The following COX10 variants were observed in gnomAD, a reference collection of about 807,000 sequenced individuals.
The protein encoded by COX10 is protoheme IX farnesyltransferase, mitochondrial.
Under a neutral mutation model 37.3 loss-of-function variants are expected in COX10, and 27 were observed. That is an observed-to-expected ratio of 0.72 (90% CI 0.53 to 1.00). COX10 has a LOEUF of 1.00. Ranked by LOEUF, COX10 falls within the 50% of genes least tolerant of loss-of-function variation. The pLI is 0.00. For synonymous variants in COX10, 222 were observed against 229.1 expected (o/e 0.97, Z 0.28); for missense variants, 475 against 563.2 (o/e 0.84, Z 1.59).
At chr17:14,109,319 A>G (rs1915964319) in intron 4 of COX10, among the ~76,000 whole-genome samples, 2 of 152,212 alleles carry the variant, frequency 1.3e-5, no homozygotes. Flanking sequence ...CTGAATTTAA[A>G]TAACCTCAAA....
intron 5 of COX10, among the ~76,000 whole-genome samples, chr17:14,180,361 G>T (rs1473330835): frequency 6.6e-6 from 1 of 152,130 alleles, no homozygotes; most frequent in Admixed American, 6.5e-5. Context: ...TTAATGTAGA[G>T]AACTTGTTCT....
In COX10 at chr17:14,076,800, T is replaced by C. The variant is rs1215520863; in HGVS notation, c.243T>C (p.Ser81=). The C allele has an allele frequency of 1.2e-6, 2 of 1,614,010 alleles. No homozygotes were observed. Among genetic ancestry groups the C allele is most frequent in the African/African-American group, 1.3e-5 (1 of 74,914 alleles). The change falls in exon 3 of 7, where the codon TCT becomes TCC. Residue 81 remains serine, a synonymous_variant. Coordinates refer to ENST00000261643, the MANE Select transcript of COX10 (RefSeq NM_001303.4). ...QVRPKPEPVA[S]PFLEKTSSGQ... ...GACCCAAGCCAGAACCAGTAGCATC[T>C]CCTTTCCTTGAAAAAACATCTTCAG...
intron 4 of COX10, among the ~76,000 whole-genome samples, chr17:14,156,507 C>T (rs927372907): frequency 5.9e-5 from 9 of 152,186 alleles, no homozygotes; most frequent in African/African-American, 1.9e-4. Flanking sequence ...GGATTACAGG[C>T]GTGAGCCACC....
chr17:14,156,835 CCTT>C (rs1456797934), intron 4 of COX10, among the ~76,000 whole-genome samples: 1 of 152,206 alleles, frequency 6.6e-6, no homozygotes, highest in African/African-American at 2.4e-5. Flanking sequence ...ACAACTCTGT[CCTT>C]CTACTGCACA....
rs532889731 is a variant in COX10 at position 14,137,469 on chromosome 17, T to C, written c.625-22408T>C. ...GTGTATGAGTGATTGGATCAAAAAA[T>C]ATTTATACTTTTTAACCCAGTCATT... is the stretch of plus-strand genomic sequence containing the variant. On this transcript the variant is annotated intron_variant, in intron 4 of 6. Transcript: ENST00000261643. Among the ~76,000 whole-genome samples the C allele has an allele frequency of 2.0e-3, 306 of 151,958 alleles. 1 individual carries two copies. The highest frequency in any genetic ancestry group is 6.8e-3 in the African/African-American group (281 of 41,504).
intron 3 of COX10, among the ~76,000 whole-genome samples, chr17:14,092,967 TAAAC>T (rs1036684836): frequency 6.6e-6 from 1 of 152,176 alleles, no homozygotes; most frequent in African/African-American, 2.4e-5. Flanking sequence ...GGCACACACA[TAAAC>T]AAAACCACAT....
Position 14,153,244 on chromosome 17 carries a change from T to C in COX10, c.625-6633T>C, listed in dbSNP as rs76342268. On this transcript the variant is annotated intron_variant, in intron 4 of 6. Coordinates refer to ENST00000261643, the MANE Select transcript of COX10 (RefSeq NM_001303.4). ...TTTTATGCCAAACACAGTAAAACTTTCCCTCTTACAACCAAAAAATCACTA... is the reference window on the plus strand; with the variant it reads ...TTTTATGCCAAACACAGTAAAACTTCCCCTCTTACAACCAAAAAATCACTA... 9.2e-5 allele frequency among the ~76,000 whole-genome samples: 14 copies of C among 152,252 alleles called. No homozygotes were observed. In the East Asian group the frequency reaches 2.1e-3, roughly 23 times the overall value.
chr17:14,192,494 G>T (rs1906237164), intron 6 of COX10, among the ~76,000 whole-genome samples: 1 of 152,162 alleles, frequency 6.6e-6, no homozygotes. Context: ...ACTACAGGTG[G>T]ATAAAGAAAG....
intron 4 of COX10, among the ~76,000 whole-genome samples, chr17:14,133,036 C>T (rs889859910): frequency 2.6e-5 from 4 of 151,576 alleles, no homozygotes; most frequent in Non-Finnish European, 5.9e-5. Context: ...CATGGTAACA[C>T]TTACAGCTTG....
At chr17:14,160,713 A>G (rs758870574) in intron 5 of COX10, among the ~76,000 whole-genome samples, 10 of 152,244 alleles carry the variant, frequency 6.6e-5, no homozygotes, top group Non-Finnish European at 1.0e-4. Flanking sequence ...AGATTAATCT[A>G]TGCAGAAATG....
intron 5 of COX10, among the ~76,000 whole-genome samples, chr17:14,164,720 ATGTGAC>A (rs1905240268): frequency 4.6e-5 from 7 of 152,328 alleles, no homozygotes; most frequent in African/African-American, 1.7e-4. Context: ...CGTTTAGAGT[ATGTGAC>A]CTTGGAGCAA....
At chr17:14,130,457 T>A (rs866573138) in intron 4 of COX10, among the ~76,000 whole-genome samples, 23 of 152,156 alleles carry the variant, frequency 1.5e-4, no homozygotes, top group African/African-American at 5.3e-4. Flanking sequence ...TTGCTTAAGG[T>A]CAAAGTTTGA....
At chr17:14,144,547 C>G (rs185677796) in intron 4 of COX10, among the ~76,000 whole-genome samples, 1 of 152,080 alleles carries the variant, frequency 6.6e-6, no homozygotes, top group East Asian at 1.9e-4. Context: ...AATTTTGCAA[C>G]CTAAATAGTC....
At chr17:14,109,850 T>C (rs994308804) in intron 4 of COX10, among the ~76,000 whole-genome samples, 4 of 152,256 alleles carry the variant, frequency 2.6e-5, no homozygotes, top group Middle Eastern at 3.4e-3. Context: ...ACTTATGTCT[T>C]AGTCAAACTA....
At chr17:14,121,918 A>G (rs1433659743) in intron 4 of COX10, among the ~76,000 whole-genome samples, 1 of 152,116 alleles carries the variant, frequency 6.6e-6, no homozygotes, top group Admixed American at 6.6e-5. Flanking sequence ...GGAAGCTGGG[A>G]AGCATACACA....
At chr17:14,198,277 C>G (rs752793414) in intron 6 of COX10, among the ~76,000 whole-genome samples, 1 of 152,170 alleles carries the variant, frequency 6.6e-6, no homozygotes, top group Non-Finnish European at 1.5e-5. Context: ...TGGAGCCACA[C>G]GCATTAGGCC....
intron 4 of COX10, among the ~76,000 whole-genome samples, chr17:14,141,483 T>A (rs1200852603): frequency 2.3e-5 from 3 of 130,930 alleles, no homozygotes; most frequent in Non-Finnish European, 4.6e-5. Context: ...TGAGCTGAGA[T>A]GGTGCCACTG....
At chr17:14,152,984 A>G (rs975420997) in intron 4 of COX10, among the ~76,000 whole-genome samples, 3 of 152,124 alleles carry the variant, frequency 2.0e-5, no homozygotes, top group Non-Finnish European at 2.9e-5. Context: ...CCTTATGCCA[A>G]TTTTCCAAGT....
intron 3 of COX10, among the ~76,000 whole-genome samples, chr17:14,077,951 C>T (rs1472417886): frequency 2.1e-5 from 3 of 142,394 alleles, no homozygotes; most frequent in South Asian, 2.2e-4. Context: ...TTTAAAGAGA[C>T]TTGAGCCTGA....
Sources: gnomAD v4.1 joint callset for allele counts (sites outside exome capture counted in the v4.1 genomes callset) on GRCh38, gnomAD v4.1.1 for gene constraint, MANE v1.5 for transcripts, NCBI Gene and HGNC (gene_info 2026-07-23, HGNC 2026-07-21) for gene names.